The following KLF15 variants were observed in gnomAD, a reference collection of about 807,000 sequenced individuals.
The protein encoded by KLF15 is KLF transcription factor 15.
A neutral mutation model predicts 24.6 loss-of-function variants in KLF15; 4 were observed. The ratio of observed to expected loss-of-function variants is 0.16; its 90% confidence interval spans 0.08 to 0.37. The LOEUF (loss-of-function observed/expected upper bound fraction) is 0.37, where lower values mean the gene tolerates loss of function less well. KLF15 is among the 10% of genes least tolerant of loss of function. The pLI, the probability that KLF15 is intolerant of heterozygous loss-of-function variation, is 1.00. For synonymous variants in KLF15, 246 were observed against 236.3 expected (o/e 1.04, Z -0.37); for missense variants, 496 against 560.6 (o/e 0.88, Z 1.16).
chr3:126,348,478 G>A (rs75400343), intron 2 of KLF15, among the ~76,000 whole-genome samples: 3,209 of 152,240 alleles, frequency 0.021, 49 homozygotes, highest in Non-Finnish European at 0.03. Context: ...GCCAGAGCAG[G>A]GCTCTGCTAG....
the KLF15 span, among the ~76,000 whole-genome samples, chr3:126,336,456 T>C: frequency 1.5e-5 from 1 of 68,412 alleles, no homozygotes; most frequent in Non-Finnish European, 2.7e-5. Context: ...ACGTTAGACC[T>C]AAAACCATAA....
At chr3:126,339,342 T>C (rs2082462237), downstream of KLF15, among the ~76,000 whole-genome samples, 1 of 152,202 alleles carries the variant, frequency 6.6e-6, no homozygotes, top group Non-Finnish European at 1.5e-5. Flanking sequence ...TCCCCCGCTA[T>C]CCCTTCCAGC....
chr3:126,298,398 CG>C, the KLF15 span, among the ~76,000 whole-genome samples: 2 of 147,430 alleles, frequency 1.4e-5, no homozygotes, highest in Non-Finnish European at 3.0e-5. Flanking sequence ...TCCCACTTTG[CG>C]GGTTGTCTGT....
the KLF15 span, among the ~76,000 whole-genome samples, chr3:126,320,805 G>A: frequency 3.9e-5 from 6 of 152,004 alleles, no homozygotes; most frequent in South Asian, 1.3e-3. Context: ...AGAGCAGGAG[G>A]ATCACTAGTA....
the KLF15 span, among the ~76,000 whole-genome samples, chr3:126,322,459 G>A: frequency 1.3e-5 from 2 of 152,050 alleles, no homozygotes; most frequent in Admixed American, 6.6e-5. Flanking sequence ...CCTCTTCTTC[G>A]GTCCTCGTTC....
chr3:126,311,925 A>G, the KLF15 span, among the ~76,000 whole-genome samples: 1 of 152,184 alleles, frequency 6.6e-6, no homozygotes, highest in East Asian at 1.9e-4. Flanking sequence ...ATCGTAAATC[A>G]CTGGGTTGAG....
the KLF15 span, among the ~76,000 whole-genome samples, chr3:126,289,601 ACTT>A: frequency 6.6e-6 from 1 of 152,180 alleles, no homozygotes; most frequent in East Asian, 1.9e-4. Flanking sequence ...TACATTTCTC[ACTT>A]CTTCTCTCCT....
At chr3:126,321,432 C>T in the KLF15 span, among the ~76,000 whole-genome samples, 1 of 152,244 alleles carries the variant, frequency 6.6e-6, no homozygotes. Flanking sequence ...GCTCCTGCTC[C>T]AGGCAGAGCT....
At chr3:126,329,301 CTGTTA>C in the KLF15 span, among the ~76,000 whole-genome samples, 1 of 152,192 alleles carries the variant, frequency 6.6e-6, no homozygotes, top group South Asian at 2.1e-4. Flanking sequence ...TTGCCTTTAT[CTGTTA>C]TAACACCACA....
chr3:126,309,175 A>G, the KLF15 span, among the ~76,000 whole-genome samples: 4 of 152,226 alleles, frequency 2.6e-5, no homozygotes, highest in Non-Finnish European at 5.9e-5. Context: ...AGAACAAAAC[A>G]ATGCATGAAA....
At chr3:126,318,550 G>A in the KLF15 span, among the ~76,000 whole-genome samples, 3 of 152,284 alleles carry the variant, frequency 2.0e-5, no homozygotes, top group Non-Finnish European at 2.9e-5. Context: ...GGGATAAAAC[G>A]TCAGTGTTGG....
chr3:126,289,906 A>C, the KLF15 span, among the ~76,000 whole-genome samples: 1 of 152,168 alleles, frequency 6.6e-6, no homozygotes, highest in Non-Finnish European at 1.5e-5. Context: ...TTAAAGGAAA[A>C]AGCCAGCTGG....
the KLF15 span, among the ~76,000 whole-genome samples, chr3:126,309,689 T>C: frequency 0.48 from 73,092 of 151,656 alleles, 18,403 homozygotes; most frequent in Non-Finnish European, 0.55. Flanking sequence ...GGAGATGGGT[T>C]CCTTAGGGAA....
intron 2 of KLF15, among the ~76,000 whole-genome samples, chr3:126,351,538 G>A (rs573475724): frequency 2.9e-4 from 44 of 152,144 alleles, no homozygotes; most frequent in African/African-American, 8.7e-4. Flanking sequence ...ATCCTTCCTC[G>A]CCAGCCCCTC....
chr3:126,314,797 G>A, the KLF15 span, among the ~76,000 whole-genome samples: 3 of 152,202 alleles, frequency 2.0e-5, no homozygotes, highest in Non-Finnish European at 2.9e-5. Flanking sequence ...CATCAGCATC[G>A]TTCTCTCTGA....
In KLF15 at chr3:126,352,074, A is replaced by C. The variant is rs1178402045; in HGVS notation, c.849T>G (p.Pro283=). The change falls in exon 2 of 3, where the codon CCT becomes CCG. Residue 283 remains proline, a synonymous_variant. Coordinates refer to ENST00000296233, the MANE Select transcript of KLF15 (RefSeq NM_014079.4). ...NLPSKFVRIA[P]VPIAAKPVGS... is the part of the protein sequence containing the mutation. ...CAACAGGCTTGGCGGCAATGGGCAC[A>C]GGGGCAATGCGCACAAACTTGGAGG... 10 of 1,539,108 alleles carry C rather than the reference A, an allele frequency of 6.5e-6. 1 individual carries two copies. The South Asian group carries it at 1.2e-4, about 19-fold the overall frequency.
chr3:126,323,656 GC>G, the KLF15 span, among the ~76,000 whole-genome samples: 2 of 136,068 alleles, frequency 1.5e-5, no homozygotes, highest in Non-Finnish European at 3.1e-5. Context: ...CCCTCCCCTG[GC>G]CCCCCACCCC....
the KLF15 span, among the ~76,000 whole-genome samples, chr3:126,305,404 G>C: frequency 6.6e-6 from 1 of 152,102 alleles, no homozygotes; most frequent in Non-Finnish European, 1.5e-5. Flanking sequence ...TTAGCCTGTT[G>C]ACATTTTGCT....
chr3:126,322,398 C>G, the KLF15 span, among the ~76,000 whole-genome samples: 2 of 152,218 alleles, frequency 1.3e-5, no homozygotes, highest in Non-Finnish European at 2.9e-5. Flanking sequence ...TCCTTGCCCC[C>G]TCTTCCATCC....
Sources: allele counts gnomAD v4.1 joint callset (sites outside exome capture counted in the v4.1 genomes callset), GRCh38; gene constraint gnomAD v4.1.1; transcripts MANE v1.5; gene names NCBI Gene and HGNC (gene_info 2026-07-23, HGNC 2026-07-21).